TTC39C: variants seen among roughly 807,000 people sequenced by gnomAD.
The protein encoded by TTC39C is tetratricopeptide repeat protein 39C.
In TTC39C, 33 loss-of-function variants were observed where a neutral mutation model predicts 76.3. That is an observed-to-expected ratio of 0.43 (90% confidence interval 0.33 to 0.58). The LOEUF (loss-of-function observed/expected upper bound fraction) is 0.58. TTC39C is among the 20% of genes least tolerant of loss of function. The probability of loss-of-function intolerance (pLI) is 0.04; values close to 1 mark genes in which losing one functional copy is unlikely to be tolerated. For missense variants in TTC39C, 595 were observed against 701.4 expected, an observed-to-expected ratio of 0.85 and a Z score of 1.71; for synonymous variants, 254 against 260.6, an observed-to-expected ratio of 0.97 and a Z score of 0.24.
At chr18:24,023,985 TATATATATATATA>T in intron 1 of TTC39C, among the ~76,000 whole-genome samples, 2 of 5,900 alleles carry the variant, frequency 3.4e-4, no homozygotes, top group Non-Finnish European at 6.5e-4. Context: ...TATATACATA[TATATATATATATA>T]TATATATATA....
chr18:24,034,887 C>T (rs2083714226), intron 1 of TTC39C, among the ~76,000 whole-genome samples: 1 of 152,306 alleles, frequency 6.6e-6, no homozygotes, highest in Middle Eastern at 3.4e-3. Context: ...TTAATGGACA[C>T]TTGGGTTGCT....
At chr18:24,129,571 T>G (rs2085095527) in intron 11 of TTC39C, among the ~76,000 whole-genome samples, 1 of 151,938 alleles carries the variant, frequency 6.6e-6, no homozygotes, top group South Asian at 2.1e-4. Flanking sequence ...GTCAGGAGTT[T>G]GAGACCAGCC....
At chr18:24,052,297 AT>A (rs1296404014) in intron 1 of TTC39C, among the ~76,000 whole-genome samples, 1 of 152,188 alleles carries the variant, frequency 6.6e-6, no homozygotes, top group Non-Finnish European at 1.5e-5. Flanking sequence ...TGGACCGTGT[AT>A]GCTCTCTGAA....
At chr18:24,123,595 T>C (rs2085006072) in intron 8 of TTC39C, 1 of 339,670 alleles carries the variant, frequency 2.9e-6, no homozygotes, top group Non-Finnish European at 5.3e-6. Context: ...TTAGCAGAGA[T>C]GGGGTTTCGC....
intron 1 of TTC39C, among the ~76,000 whole-genome samples, chr18:24,042,962 TG>T (rs2083816059): frequency 6.6e-6 from 1 of 152,150 alleles, no homozygotes; most frequent in Non-Finnish European, 1.5e-5. Context: ...TAAAAATGTC[TG>T]TGTTCAGTGC....
At chr18:24,058,640 T>C (rs1414345234) in intron 1 of TTC39C, among the ~76,000 whole-genome samples, 1 of 151,852 alleles carries the variant, frequency 6.6e-6, no homozygotes, top group Non-Finnish European at 1.5e-5. Context: ...AGAGTGAGAC[T>C]CTGTCTCAAA....
At chr18:24,011,029 A>G (rs1416347734), upstream of TTC39C, among the ~76,000 whole-genome samples, 1 of 152,204 alleles carries the variant, frequency 6.6e-6, no homozygotes, top group East Asian at 1.9e-4. Flanking sequence ...GCCTGGGTAA[A>G]GAGTGAGACC....
At chr18:24,070,758 G>A (rs1050093842) in intron 4 of TTC39C, among the ~76,000 whole-genome samples, 3 of 151,834 alleles carry the variant, frequency 2.0e-5, no homozygotes, top group Non-Finnish European at 2.9e-5. Flanking sequence ...CAGGAGAATC[G>A]CTTGAACATG....
chr18:24,002,230 C>A (rs1033709673), intron 1 of TTC39C, among the ~76,000 whole-genome samples: 1 of 152,126 alleles, frequency 6.6e-6, no homozygotes, highest in African/African-American at 2.4e-5. Flanking sequence ...GTGACACAAG[C>A]AGCACCATCA....
intron 7 of TTC39C, 148 bp from the exon 8 acceptor site, chr18:24,117,977 T>C: frequency 1.9e-6 from 1 of 533,902 alleles, no homozygotes; most frequent in Non-Finnish European, 3.1e-6. Flanking sequence ...AGGGAAAAAA[T>C]AATTTCTTAG....
intron 1 of TTC39C, among the ~76,000 whole-genome samples, chr18:23,999,561 G>A (rs1599220509): frequency 6.6e-6 from 1 of 152,188 alleles, no homozygotes; most frequent in East Asian, 1.9e-4. Context: ...TAGCCAGGGG[G>A]CAAGAAGCTT....
chr18:24,132,120 G>T (rs950740295), intron 13 of TTC39C, among the ~76,000 whole-genome samples, 200 bp downstream of exon 13: 2 of 152,178 alleles, frequency 1.3e-5, no homozygotes, highest in African/African-American at 4.8e-5. Context: ...CGATGAAATT[G>T]TTCATCCTGC....
Position 24,065,923 on chromosome 18 carries a change from T to G in TTC39C, c.217-89T>G, listed in dbSNP as rs1163335979. The G allele has an allele frequency of 2.5e-5, 33 of 1,341,274 alleles. No homozygotes were observed. In the South Asian group the frequency reaches 3.3e-4, roughly 13 times the overall value. 83.1% of individuals were successfully genotyped at this position (1,341,274 alleles called of 1,614,324 possible). On this transcript the variant is annotated intron_variant, in intron 2 of 13. Transcript: ENST00000317571. ...TTGCTTGCAATAAATAATTTAAGTG[T>G]TTTTTTAATTTGGAGTTTTCTTGTA...
At chr18:24,058,604 G>A (rs952873887) in intron 1 of TTC39C, among the ~76,000 whole-genome samples, 3 of 151,848 alleles carry the variant, frequency 2.0e-5, no homozygotes, top group African/African-American at 7.3e-5. Context: ...GCAGTGAGCC[G>A]ACCACTGCAC....
intron 1 of TTC39C, among the ~76,000 whole-genome samples, chr18:24,022,306 T>G (rs2083526849): frequency 6.6e-6 from 1 of 151,034 alleles, no homozygotes; most frequent in Admixed American, 6.6e-5. Context: ...GGGCTGGCAT[T>G]GAGCCAGCCC....
intron 8 of TTC39C, among the ~76,000 whole-genome samples, chr18:24,123,178 A>G (rs748928686): frequency 2.7e-4 from 41 of 151,992 alleles, no homozygotes; most frequent in Non-Finnish European, 5.4e-4. Context: ...CTGGGTTCCT[A>G]TTTATTCCAC....
intron 5 of TTC39C, 68 bp from the exon 6 acceptor site, chr18:24,082,845 A>C (rs1326818839): frequency 6.7e-7 from 1 of 1,484,078 alleles, no homozygotes; most frequent in East Asian, 2.3e-5. Flanking sequence ...CACATACTGG[A>C]GTTTTGAAAA....
rs1302814600 is a variant in TTC39C at position 24,083,062 on chromosome 18, G to A, written c.965G>A (p.Gly322Glu). ...TCTTCCCTCTTTATGTTTTTCAAGG[G>A]ACGGATACAACGACTAGAGGTACTG... ...PNSSLFMFFK[G>E]RIQRLECQIN... The change falls in exon 6 of 14, where the codon GGA becomes GAA. Residue 322 changes from glycine (G) to glutamate (E), a missense_variant. Coordinates refer to ENST00000317571, the MANE Select transcript of TTC39C (RefSeq NM_001135993.2). The A allele has an allele frequency of 1.2e-6, 2 of 1,613,868 alleles. No individual in the cohort carries two copies. Among genetic ancestry groups the A allele is most frequent in the Non-Finnish European group, 1.7e-6 (2 of 1,179,856 alleles).
At chr18:24,044,357 C>T (rs993047037) in intron 1 of TTC39C, among the ~76,000 whole-genome samples, 13 of 152,132 alleles carry the variant, frequency 8.5e-5, no homozygotes, top group Admixed American at 5.9e-4. Context: ...GCCATGCTAG[C>T]GAAGGCCAGG....
Sources: gnomAD v4.1 joint callset for allele counts (sites outside exome capture counted in the v4.1 genomes callset) on GRCh38, gnomAD v4.1.1 for gene constraint, MANE v1.5 for transcripts, NCBI Gene and HGNC (gene_info 2026-07-23, HGNC 2026-07-21) for gene names.